C10orf143: variants seen among roughly 807,000 people sequenced by gnomAD.
C10orf143 encodes the protein uncharacterized protein C10orf143.
intron 3 of C10orf143, among the ~76,000 whole-genome samples, chr10:130,075,663 T>C (rs1405052564): frequency 6.6e-6 from 1 of 152,128 alleles, no homozygotes; most frequent in Non-Finnish European, 1.5e-5. Context: ...ACTCCACACA[T>C]GTTGGAAGGG....
intron 3 of C10orf143, among the ~76,000 whole-genome samples, chr10:130,040,520 T>G (rs1301992007): frequency 6.6e-6 from 1 of 152,238 alleles, no homozygotes; most frequent in Non-Finnish European, 1.5e-5. Flanking sequence ...CACCGCACCC[T>G]GCAGCCTCCA....
At chr10:130,110,152 C>G (rs1861736431) in intron 1 of C10orf143, among the ~76,000 whole-genome samples, 1 of 152,164 alleles carries the variant, frequency 6.6e-6, no homozygotes, top group Admixed American at 6.5e-5. Context: ...GGATCTTGTG[C>G]AAGTCTCCCC....
chr10:130,069,617 T>A lies in C10orf143; in HGVS notation c.298-5234A>T, dbSNP rs202115931. Among the ~76,000 whole-genome samples the A allele has an allele frequency of 8.9e-4, 19 of 21,340 alleles. No homozygotes were observed. In the Admixed American group the frequency reaches 0.01, roughly 12 times the overall value. 14.0% of individuals were successfully genotyped at this position (21,340 alleles called of 152,430 possible). On this transcript the variant is annotated intron_variant, in intron 3 of 3. Coordinates refer to ENST00000637128, the MANE Select transcript of C10orf143 (RefSeq NM_001355042.2). ...GTCTATCTGCAGATTTTCTGGAAAA[T>A]TTTTTTTTTAAGAGATGGGGTCTCA...
At chr10:130,099,739 G>A (rs2134804245) in intron 1 of C10orf143, among the ~76,000 whole-genome samples, 1 of 151,910 alleles carries the variant, frequency 6.6e-6, no homozygotes, top group South Asian at 2.1e-4. Flanking sequence ...TGTTGCCCAG[G>A]TTGGTCTTGA....
chr10:130,046,670 T>C (rs572383350), intron 3 of C10orf143, among the ~76,000 whole-genome samples: 4 of 152,342 alleles, frequency 2.6e-5, no homozygotes, highest in East Asian at 3.9e-4. Flanking sequence ...CCTTTAAATA[T>C]GGAAACTGCC....
chr10:130,035,155 C>A (rs1860530949), intron 4 of C10orf143, among the ~76,000 whole-genome samples: 1 of 152,206 alleles, frequency 6.6e-6, no homozygotes, highest in South Asian at 2.1e-4. Context: ...AATTTATTTT[C>A]TCACCATCCA....
At chr10:130,079,372 A>G (rs938751879) in intron 3 of C10orf143, among the ~76,000 whole-genome samples, 194 bp downstream of exon 3, 26 of 152,260 alleles carry the variant, frequency 1.7e-4, no homozygotes, top group African/African-American at 5.8e-4. Flanking sequence ...TATATTTCCA[A>G]TCTGAAGCTG....
intron 1 of C10orf143, among the ~76,000 whole-genome samples, chr10:130,091,531 C>T (rs1011166603): frequency 1.3e-5 from 2 of 152,134 alleles, no homozygotes; most frequent in Non-Finnish European, 2.9e-5. Flanking sequence ...TACAACTCCT[C>T]GCCAGCAAGA....
intron 1 of C10orf143, chr10:130,106,931 G>T (rs1316435319): frequency 1.0e-6 from 1 of 1,002,204 alleles, no homozygotes; most frequent in African/African-American, 1.6e-5. Flanking sequence ...AGTGAACAGT[G>T]AATCAGAAGA....
At chr10:130,097,889 C>T (rs1244690616) in intron 1 of C10orf143, among the ~76,000 whole-genome samples, 1 of 152,058 alleles carries the variant, frequency 6.6e-6, no homozygotes, top group Non-Finnish European at 1.5e-5. Flanking sequence ...TCAGTGGTTG[C>T]CTGGAGCTAG....
At chr10:130,050,644 A>G (rs1005777211) in intron 3 of C10orf143, among the ~76,000 whole-genome samples, 6 of 152,228 alleles carry the variant, frequency 3.9e-5, no homozygotes, top group Non-Finnish European at 8.8e-5. Flanking sequence ...TTGAACATCT[A>G]TACATGCCGT....
intron 1 of C10orf143, chr10:130,106,640 A>G (rs754928948): frequency 6.2e-6 from 8 of 1,286,806 alleles, no homozygotes; most frequent in Non-Finnish European, 9.0e-6. Context: ...GAGATTTAAA[A>G]TGACTGAGAA....
intron 3 of C10orf143, among the ~76,000 whole-genome samples, chr10:130,058,299 C>A (rs1372755596): frequency 1.3e-5 from 2 of 152,176 alleles, no homozygotes; most frequent in African/African-American, 4.8e-5. Context: ...GGTCTGACCC[C>A]AGCATCTGAC....
chr10:130,108,248 C>T (rs1302577862), intron 1 of C10orf143: 3 of 1,557,872 alleles, frequency 1.9e-6, no homozygotes, highest in Middle Eastern at 1.7e-4. Flanking sequence ...TTATTTTCCA[C>T]CAGGGGATTT....
In C10orf143 at chr10:130,099,871, A is replaced by ACC; in HGVS notation, c.69+10832_69+10833insGG. ...TTTTTTTTTTTTAAGATGGACTCTC[A>ACC]CTGTCACCCAGGCTGGAGTGCAGTG... On this transcript the variant is annotated intron_variant, in intron 1 of 3. Coordinates refer to ENST00000637128, the MANE Select transcript of C10orf143 (RefSeq NM_001355042.2). Among the ~76,000 whole-genome samples, 2 of 145,778 alleles carry ACC rather than the reference A, an allele frequency of 1.4e-5. 1 individual carries two copies. The highest frequency in any genetic ancestry group is 4.1e-4 in the East Asian group (2 of 4,842).
At chr10:130,093,089 C>A (rs1368375811) in intron 1 of C10orf143, among the ~76,000 whole-genome samples, 1 of 152,200 alleles carries the variant, frequency 6.6e-6, no homozygotes, top group Non-Finnish European at 1.5e-5. Flanking sequence ...CTATAGAACT[C>A]TCTACCCCAA....
downstream of C10orf143, among the ~76,000 whole-genome samples, chr10:130,062,568 G>C (rs867148002): frequency 6.6e-6 from 1 of 152,196 alleles, no homozygotes; most frequent in Non-Finnish European, 1.5e-5. Context: ...ACTTACACCA[G>C]TGGTTTGCAA....
chr10:130,106,178 A>T (rs766865276), intron 1 of C10orf143: 1 of 888,718 alleles, frequency 1.1e-6, no homozygotes. Context: ...GGAAATGGTG[A>T]TATGTGCAGC....
chr10:130,089,933 A>C (rs757370510), intron 1 of C10orf143, among the ~76,000 whole-genome samples: 15 of 152,254 alleles, frequency 9.9e-5, no homozygotes, highest in Non-Finnish European at 1.8e-4. Context: ...AAATGTAAGA[A>C]CTAAAAGTGT....
Sources: allele counts gnomAD v4.1 joint callset (sites outside exome capture counted in the v4.1 genomes callset), GRCh38; gene constraint gnomAD v4.1.1; transcripts MANE v1.5; gene names NCBI Gene and HGNC (gene_info 2026-07-23, HGNC 2026-07-21).